PDE4D: variants seen among roughly 807,000 people sequenced by gnomAD.
The protein encoded by PDE4D is phosphodiesterase 4D, also known as 3',5'-cyclic-AMP phosphodiesterase 4D.
In PDE4D, 24 loss-of-function variants were observed where a neutral mutation model predicts 87.4. That is an observed-to-expected ratio of 0.27 (90% CI 0.20 to 0.39). The LOEUF is 0.39. Among genes scored for constraint, PDE4D ranks in the 10% least tolerant of loss-of-function variants. The pLI is 1.00. For missense variants in PDE4D, 714 were observed against 1,041.0 expected, an observed-to-expected ratio of 0.69 and a Z score of 4.32; for synonymous variants, 384 against 383.2, an observed-to-expected ratio of 1.00 and a Z score of -0.02.
intron 1 of PDE4D, among the ~76,000 whole-genome samples, chr5:59,771,495 G>A (rs865865726): frequency 0.15 from 4,183 of 28,046 alleles, 126 homozygotes; most frequent in African/African-American, 0.19. Flanking sequence ...GAGAGAGAGA[G>A]AGAGAAGAAA....
intron 1 of PDE4D, among the ~76,000 whole-genome samples, chr5:59,499,560 A>G (rs916693599): frequency 1.3e-5 from 2 of 152,052 alleles, no homozygotes; most frequent in Admixed American, 1.3e-4. Context: ...AGAAGATCTG[A>G]ATATGCACAA....
At chr5:60,111,986 T>C (rs1562109537) in intron 2 of PDE4D, among the ~76,000 whole-genome samples, 8 of 152,048 alleles carry the variant, frequency 5.3e-5, no homozygotes, top group Admixed American at 3.9e-4. Context: ...TTAAAAGCTA[T>C]TTTTATCTCA....
chr5:59,731,431 T>C (rs1019899176), intron 1 of PDE4D, among the ~76,000 whole-genome samples: 7 of 152,146 alleles, frequency 4.6e-5, no homozygotes, highest in African/African-American at 1.7e-4. Context: ...AATCACATAT[T>C]TGAGGGTATC....
chr5:58,973,264 G>T lies in PDE4D; in HGVS notation c.*1400C>A, dbSNP rs1243452575. 1 of 152,216 alleles carries T rather than the reference G, an allele frequency of 6.6e-6. No homozygotes were observed. Among genetic ancestry groups the T allele is most frequent in the Non-Finnish European group, 1.5e-5 (1 of 68,034 alleles). The allele number at this position is 152,216 out of a possible 1,614,324, so 9.4% of individuals were successfully genotyped here. ...TGATATACAACCTCGTGGTTGAAAT[G>T]AATGTTAACCCTAACTTAACTACCT... is the stretch of plus-strand genomic sequence containing the variant. On this transcript the variant is annotated 3_prime_UTR_variant, in exon 15 of 15. Transcript: ENST00000340635.
intron 5 of PDE4D, among the ~76,000 whole-genome samples, chr5:59,122,664 C>T (rs1242728203): frequency 6.6e-6 from 1 of 152,132 alleles, no homozygotes; most frequent in East Asian, 1.9e-4. Context: ...AGTAATTATG[C>T]ACCAACAAAG....
chr5:59,598,463 T>G (rs1827017165), intron 1 of PDE4D, among the ~76,000 whole-genome samples: 1 of 152,110 alleles, frequency 6.6e-6, no homozygotes, highest in African/African-American at 2.4e-5. Context: ...ATTTTCAAAA[T>G]GAAAATGCTA....
intron 2 of PDE4D, among the ~76,000 whole-genome samples, chr5:60,023,737 T>C (rs1766325136): frequency 6.6e-6 from 1 of 152,186 alleles, no homozygotes; most frequent in South Asian, 2.1e-4. Context: ...TTCATACTAT[T>C]CCAGGTCAGC....
intron 6 of PDE4D, among the ~76,000 whole-genome samples, chr5:58,998,112 T>C (rs1749647851): frequency 6.6e-6 from 1 of 152,192 alleles, no homozygotes; most frequent in East Asian, 1.9e-4. Context: ...AAATACTCCA[T>C]TGATGGTATA....
chr5:59,985,927 G>T lies in PDE4D; in HGVS notation c.272+2561C>A, dbSNP rs138772372. ...ATCCTCATATAAAGGAACCTGTGCA[G>T]TTCAAACCTGTATTGTTCAAGGGTC... On this transcript the variant is annotated intron_variant, in intron 3 of 16. Transcript: ENST00000502484. Among the ~76,000 whole-genome samples the T allele has an allele frequency of 3.9e-3, 591 of 152,296 alleles. 6 individuals are homozygous for T. The highest frequency in any genetic ancestry group is 0.013 in the African/African-American group (553 of 41,566).
intron 1 of PDE4D, among the ~76,000 whole-genome samples, chr5:60,296,248 C>T (rs966017931): frequency 3.9e-5 from 6 of 152,172 alleles, no homozygotes; most frequent in African/African-American, 1.4e-4. Context: ...AACATTCAGA[C>T]TCAGGACCCT....
chr5:58,978,209 G>A (rs1314057369), intron 11 of PDE4D, among the ~76,000 whole-genome samples: 1 of 147,304 alleles, frequency 6.8e-6, no homozygotes, highest in Non-Finnish European at 1.5e-5. Flanking sequence ...AAGCCCAGGA[G>A]TTCAAGACCA....
intron 1 of PDE4D, among the ~76,000 whole-genome samples, chr5:59,735,615 G>T (rs1205737215): frequency 6.6e-6 from 1 of 152,130 alleles, no homozygotes; most frequent in African/African-American, 2.4e-5. Flanking sequence ...AATAGATTTA[G>T]TTTTTCTAAA....
At chr5:60,009,493 G>A (rs1764805620) in intron 2 of PDE4D, among the ~76,000 whole-genome samples, 1 of 152,032 alleles carries the variant, frequency 6.6e-6, no homozygotes, top group Non-Finnish European at 1.5e-5. Flanking sequence ...CACTAGTGTA[G>A]GGGAAGAGAA....
intron 1 of PDE4D, among the ~76,000 whole-genome samples, chr5:59,552,900 A>T (rs1254245124): frequency 6.6e-6 from 1 of 152,212 alleles, no homozygotes; most frequent in Non-Finnish European, 1.5e-5. Flanking sequence ...CTTATTGCAA[A>T]TAGGTCTACT....
At chr5:59,526,780 T>G (rs973266791) in intron 1 of PDE4D, among the ~76,000 whole-genome samples, 1 of 152,050 alleles carries the variant, frequency 6.6e-6, no homozygotes, top group Non-Finnish European at 1.5e-5. Context: ...CATGCCACCA[T>G]GCTTGGCTAT....
intron 2 of PDE4D, among the ~76,000 whole-genome samples, chr5:59,994,403 C>A (rs1056153087): frequency 4.0e-5 from 6 of 151,472 alleles, no homozygotes; most frequent in Non-Finnish European, 5.9e-5. Context: ...TATACATATA[C>A]ATATATAGGC....
intron 1 of PDE4D, among the ~76,000 whole-genome samples, chr5:60,214,876 A>C (rs1302669527): frequency 6.6e-6 from 1 of 152,192 alleles, no homozygotes; most frequent in African/African-American, 2.4e-5. Flanking sequence ...TGAGCCACTC[A>C]ATACTTAAAG....
At chr5:60,169,528 A>G (rs966912525) in intron 2 of PDE4D, among the ~76,000 whole-genome samples, 1 of 152,164 alleles carries the variant, frequency 6.6e-6, no homozygotes, top group East Asian at 1.9e-4. Flanking sequence ...AAATCTATCT[A>G]TGAGATAGAA....
intron 1 of PDE4D, among the ~76,000 whole-genome samples, chr5:59,772,920 T>C (rs1293738363): frequency 6.6e-6 from 1 of 152,212 alleles, no homozygotes; most frequent in Admixed American, 6.5e-5. Context: ...GTTACTTTAC[T>C]TTTCAGTGGC....
Sources: gnomAD v4.1 joint callset for allele counts (sites outside exome capture counted in the v4.1 genomes callset) on GRCh38, gnomAD v4.1.1 for gene constraint, MANE v1.5 for transcripts, NCBI Gene and HGNC (gene_info 2026-07-23, HGNC 2026-07-21) for gene names.